TAFA5: variants seen among roughly 807,000 people sequenced by gnomAD.
TAFA5 encodes chemokine-like protein TAFA-5.
Under a neutral mutation model 15.3 loss-of-function variants are expected in TAFA5, and 6 were observed. That is an observed-to-expected ratio of 0.39 (90% CI 0.21 to 0.77). TAFA5 has a LOEUF of 0.77. Ranked by LOEUF, TAFA5 falls within the 30% of genes least tolerant of loss-of-function variation. The probability of loss-of-function intolerance (pLI) is 0.41; values close to 1 mark genes in which losing one functional copy is unlikely to be tolerated. For synonymous variants in TAFA5, 103 were observed against 80.7 expected (o/e 1.28, Z -1.48); for missense variants, 161 against 193.1 (o/e 0.83, Z 0.98).
chr22:48,691,491 A>T (rs1928539654), intron 2 of TAFA5, among the ~76,000 whole-genome samples: 1 of 152,188 alleles, frequency 6.6e-6, no homozygotes, highest in Non-Finnish European at 1.5e-5. Flanking sequence ...TGAGGAGGCA[A>T]ACTGGGTTCG....
chr22:48,576,039 A>ACCCCCCC lies in TAFA5; in HGVS notation c.113-70550_113-70544dup, dbSNP rs535068094. On this transcript the variant is annotated intron_variant, in intron 1 of 3. Transcript: ENST00000402357. ...GAGGAGGGGGCCGGGGCCGCGCCGG[A>ACCCCCCC]CCCCCCCCCCCCCCGCGCCGCCCGG... Among the ~76,000 whole-genome samples the ACCCCCCC allele has an allele frequency of 7.6e-3, 238 of 31,406 alleles. 64 individuals carry two copies. Among genetic ancestry groups the ACCCCCCC allele is most frequent in the African/African-American group, 0.032 (135 of 4,256 alleles). The allele number at this position is 31,406 out of a possible 152,430, so 20.6% of individuals were successfully genotyped here.
intron 1 of TAFA5, among the ~76,000 whole-genome samples, chr22:48,548,561 T>C (rs1035123580): frequency 6.6e-6 from 1 of 152,142 alleles, no homozygotes; most frequent in African/African-American, 2.4e-5. Context: ...GGCTCCAGGC[T>C]CTGGGGCAGG....
chr22:48,729,642 AT>A (rs1369519919), intron 3 of TAFA5, among the ~76,000 whole-genome samples: 3 of 147,188 alleles, frequency 2.0e-5, no homozygotes, highest in African/African-American at 7.4e-5. Flanking sequence ...TGTTTATGTA[AT>A]TTTTAATTAT....
At chr22:48,513,769 C>T (rs960082555) in intron 1 of TAFA5, among the ~76,000 whole-genome samples, 2 of 152,214 alleles carry the variant, frequency 1.3e-5, no homozygotes, top group African/African-American at 2.4e-5. Flanking sequence ...CTTTGGTCTC[C>T]TCGGTGACTC....
chr22:48,586,262 G>A (rs1225338659), intron 1 of TAFA5, among the ~76,000 whole-genome samples: 1 of 152,256 alleles, frequency 6.6e-6, no homozygotes, highest in African/African-American at 2.4e-5. Context: ...GAGGTGGCGT[G>A]GGTGTTGCCT....
intron 1 of TAFA5, among the ~76,000 whole-genome samples, chr22:48,542,628 TGG>T (rs1922485852): frequency 1.4e-5 from 1 of 73,486 alleles, no homozygotes; most frequent in African/African-American, 6.1e-5. Context: ...GTGGTGTGTG[TGG>T]GTGTGTGATG....
chr22:48,700,592 G>A (rs894013771), intron 2 of TAFA5, among the ~76,000 whole-genome samples: 4 of 152,158 alleles, frequency 2.6e-5, no homozygotes, highest in African/African-American at 9.7e-5. Context: ...CCTCGGGAGT[G>A]GGGGTGCCAC....
chr22:48,490,525 G>C lies in TAFA5; in HGVS notation c.112+821G>C, dbSNP rs773921437. On this transcript the variant is annotated intron_variant, in intron 1 of 3. Transcript: ENST00000402357. This position sits in a 1 kb window ranked among gnomAD's most constrained non-coding sequence, Gnocchi z 5.8. The stretch of plus-strand genomic sequence containing the variant: ...GAATGAGGGGTGGTTGGAGTCCCGG[G>C]TGCAGACTCCAGCCTCGGCGCTGGG... Among the ~76,000 whole-genome samples the C allele has an allele frequency of 6.6e-6, 1 of 151,934 alleles. No homozygotes were observed. The highest frequency in any genetic ancestry group is 6.5e-5 in the Admixed American group (1 of 15,282).
rs1569068650 is a variant in TAFA5 at position 48,660,951 on chromosome 22, G to GGCA, written c.262+14205_262+14206insGCA. ...CTGCTGGAATCTCAGAGTTAGGGTCGTGTCTCTTCGGGGGAAACTCTGACG... is the reference window on the plus strand; with the variant it reads ...CTGCTGGAATCTCAGAGTTAGGGTCGGCATGTCTCTTCGGGGGAAACTCTGACG... On this transcript the variant is annotated intron_variant, in intron 2 of 3. Coordinates refer to ENST00000402357, the MANE Select transcript of TAFA5 (RefSeq NM_001082967.3). 4.4e-5 allele frequency among the ~76,000 whole-genome samples: 6 copies of GGCA among 135,306 alleles called. No homozygotes were observed. In the South Asian group the frequency reaches 7.4e-4, roughly 17 times the overall value. 88.8% of individuals were successfully genotyped at this position (135,306 alleles called of 152,430 possible). A position where few individuals can be genotyped will look rare whatever the true frequency, so the allele number is the denominator to read the frequency against.
At chr22:48,738,514 C>T (rs1013135989) in intron 3 of TAFA5, among the ~76,000 whole-genome samples, 1 of 152,138 alleles carries the variant, frequency 6.6e-6, no homozygotes, top group Non-Finnish European at 1.5e-5. Context: ...CCTCTCCTGA[C>T]TCCTTGTACA....
chr22:48,526,166 G>A (rs1265346212), intron 1 of TAFA5, among the ~76,000 whole-genome samples: 2 of 152,234 alleles, frequency 1.3e-5, no homozygotes, highest in Non-Finnish European at 1.5e-5. Flanking sequence ...CCAGCATGAA[G>A]GGGCTGTCCA....
intron 1 of TAFA5, among the ~76,000 whole-genome samples, chr22:48,582,171 C>T (rs1035338854): frequency 6.6e-6 from 1 of 152,020 alleles, no homozygotes; most frequent in African/African-American, 2.4e-5. Flanking sequence ...ACACGCACTG[C>T]GGTGCCCCCC....
chr22:48,612,655 C>G (rs1364661794), intron 1 of TAFA5, among the ~76,000 whole-genome samples: 1 of 152,194 alleles, frequency 6.6e-6, no homozygotes, highest in South Asian at 2.1e-4. Context: ...CGGAGTGTCT[C>G]CCTTTCCCCG....
intron 2 of TAFA5, among the ~76,000 whole-genome samples, chr22:48,670,886 C>T (rs1341539717): frequency 6.6e-6 from 1 of 152,166 alleles, no homozygotes; most frequent in Non-Finnish European, 1.5e-5. Flanking sequence ...AGGGAAACAC[C>T]GTTCCCAAAG....
chr22:48,729,420 T>C (rs1450289073), intron 3 of TAFA5, among the ~76,000 whole-genome samples: 1 of 146,794 alleles, frequency 6.8e-6, no homozygotes, highest in Non-Finnish European at 1.5e-5. Flanking sequence ...ATATTATAAA[T>C]TCGTATAAAA....
At chr22:48,638,230 C>T (rs951473374) in intron 1 of TAFA5, among the ~76,000 whole-genome samples, 6 of 151,472 alleles carry the variant, frequency 4.0e-5, no homozygotes, top group African/African-American at 1.5e-4. Flanking sequence ...GTACACGTGT[C>T]TTAGACCCCC....
intron 1 of TAFA5, among the ~76,000 whole-genome samples, chr22:48,588,840 G>A (rs1365868412): frequency 6.6e-6 from 1 of 152,100 alleles, no homozygotes; most frequent in Admixed American, 6.5e-5. Flanking sequence ...GGACCGCATG[G>A]AGCCAACCTG....
chr22:48,601,982 C>T lies in TAFA5; in HGVS notation c.113-44615C>T, dbSNP rs564212229. On this transcript the variant is annotated intron_variant, in intron 1 of 3. Coordinates refer to ENST00000402357, the MANE Select transcript of TAFA5 (RefSeq NM_001082967.3). ...CACATACAGACCGTGCCAGTGTGAGCGGCATGCACCTTCCAGTCCCTGTGA... is the reference window on the plus strand; with the variant it reads ...CACATACAGACCGTGCCAGTGTGAGTGGCATGCACCTTCCAGTCCCTGTGA... Among the ~76,000 whole-genome samples the T allele has an allele frequency of 1.6e-4, 24 of 152,216 alleles. No individual in the cohort carries two copies. In the South Asian group the frequency reaches 2.3e-3, roughly 14 times the overall value.
chr22:48,612,914 C>T (rs965445189), intron 1 of TAFA5, among the ~76,000 whole-genome samples: 2 of 152,120 alleles, frequency 1.3e-5, no homozygotes, highest in African/African-American at 4.8e-5. Context: ...CAGGAGGTCA[C>T]AGTGAGCCGG....
Sources: allele counts gnomAD v4.1 joint callset (sites outside exome capture counted in the v4.1 genomes callset), GRCh38; gene constraint gnomAD v4.1.1; non-coding constraint Gnocchi (gnomAD v3.1); transcripts MANE v1.5; gene names NCBI Gene and HGNC (gene_info 2026-07-23, HGNC 2026-07-21).